Variants in PWWP2A observed in about 807,000 individuals in gnomAD.
PWWP2A encodes PWWP domain containing 2A.
A neutral mutation model predicts 48.5 loss-of-function variants in PWWP2A; 18 were observed. That is an observed-to-expected ratio of 0.37 (90% CI 0.26 to 0.55). PWWP2A has a LOEUF of 0.55. Among genes scored for constraint, PWWP2A ranks in the 20% least tolerant of loss-of-function variants. The pLI, the probability that PWWP2A is intolerant of heterozygous loss-of-function variation, is 0.81. For missense variants in PWWP2A, 867 were observed against 976.4 expected (o/e 0.89, Z 1.49); for synonymous variants, 396 against 387.7 (o/e 1.02, Z -0.25).
chr5:160,051,285 C>T, the PWWP2A span: 1 of 922,984 alleles, frequency 1.1e-6, no homozygotes, highest in Non-Finnish European at 1.6e-6. Context: ...AAGTTTCGGA[C>T]TCTACCACAA....
At chr5:160,116,015 A>C (rs774976796) in intron 1 of PWWP2A, among the ~76,000 whole-genome samples, 1 of 152,108 alleles carries the variant, frequency 6.6e-6, no homozygotes, top group Non-Finnish European at 1.5e-5. Context: ...CATTAGTCCA[A>C]TAATAATTCC....
In PWWP2A at chr5:160,092,291, T is replaced by A. The variant is rs927567013; in HGVS notation, c.*91A>T. ...AACTGAGTGCAACTTCTCTCTCCAA[T>A]CTGGCCACGCTATTTTGTAGAAATT... On this transcript the variant is annotated 3_prime_UTR_variant, in exon 2 of 2. Transcript: ENST00000307063. 9.0e-6 allele frequency: 13 copies of A among 1,441,734 alleles called. No individual in the cohort carries two copies. In the Admixed American group the frequency reaches 1.7e-4, roughly 19 times the overall value. The allele number at this position is 1,441,734 out of a possible 1,614,324, so 89.3% of individuals were successfully genotyped here.
downstream of PWWP2A, among the ~76,000 whole-genome samples, chr5:160,061,058 C>A (rs1285237589): frequency 6.6e-6 from 1 of 152,246 alleles, no homozygotes; most frequent in Non-Finnish European, 1.5e-5. Flanking sequence ...TCAGTGGCCT[C>A]CTGTGGCACG....
In PWWP2A at chr5:160,093,106, G is replaced by A. The variant is rs1456561182; in HGVS notation, c.1544C>T (p.Ser515Leu). 2 of 1,613,914 alleles carry A rather than the reference G, an allele frequency of 1.2e-6. No individual in the cohort carries two copies. The highest frequency in any genetic ancestry group is 1.7e-6 in the Non-Finnish European group (2 of 1,179,866). The change falls in exon 2 of 2, where the codon TCA becomes TTA. Residue 515 changes from serine to leucine, a missense_variant. By Grantham distance (145) the Ser-to-Leu change is moderately radical (BLOSUM62 -2). This residue lies in a region of PWWP2A where 382 missense variants were observed against 407.2 expected (regional missense o/e 0.94). Coordinates refer to ENST00000307063, the MANE Select transcript of PWWP2A (RefSeq NM_001130864.2). The surrounding 1 kb of genome is among the most constrained non-coding windows in gnomAD (Gnocchi z 5.8). ...KPQSRCTSTR[S>L]AGEAPSENQS... ...ATTTTCTGAAGGGGCCTCACCTGCT[G>A]AGCGGGTAGAGGTGCAGCGAGACTG...
intron 3 of PWWP2A, among the ~76,000 whole-genome samples, chr5:160,080,188 A>AAT (rs936063408): frequency 3.9e-5 from 6 of 152,224 alleles, no homozygotes; most frequent in African/African-American, 1.4e-4. Flanking sequence ...ATTCACTAAG[A>AAT]ATATATATAC....
chr5:160,117,991 G>T, intron 1 of PWWP2A: 1 of 488,702 alleles, frequency 2.0e-6, no homozygotes, highest in Non-Finnish European at 2.7e-6. Flanking sequence ...CCTGTTGAAA[G>T]CAGAGCCCAA....
chr5:160,089,607 A>T, downstream of PWWP2A: 2 of 1,288,876 alleles, frequency 1.6e-6, no homozygotes, highest in Non-Finnish European at 2.0e-6. Context: ...CTGGTCTATA[A>T]ATTCTAGAAA....
chr5:160,118,716 A>G lies in PWWP2A; in HGVS notation c.584+89T>C, dbSNP rs1381955827. The G allele has an allele frequency of 4.9e-6, 6 of 1,233,548 alleles. No homozygotes were observed. In the Admixed American group the frequency reaches 1.7e-4, roughly 34 times the overall value. The allele number at this position is 1,233,548 out of a possible 1,614,324, so 76.4% of individuals were successfully genotyped here. On this transcript the variant is annotated intron_variant, in intron 1 of 1. Transcript: ENST00000307063. ...AGGGCGGGGCCCCGGGCAGCGGGGA[A>G]GCGAGGGCTCGGGGAGAGGGGGCCG...
At chr5:160,086,087 G>A (rs1181464618) in intron 2 of PWWP2A, among the ~76,000 whole-genome samples, 1 of 152,168 alleles carries the variant, frequency 6.6e-6, no homozygotes, top group Non-Finnish European at 1.5e-5. Flanking sequence ...CCAAAGTGCT[G>A]GGATTACAGA....
chr5:160,110,318 T>A (rs1459481567), intron 1 of PWWP2A, among the ~76,000 whole-genome samples: 1 of 152,070 alleles, frequency 6.6e-6, no homozygotes, highest in Non-Finnish European at 1.5e-5. Context: ...ATTTTAACAG[T>A]GACTGAATAT....
intron 2 of PWWP2A, among the ~76,000 whole-genome samples, chr5:160,068,994 A>AT (rs999414785): frequency 1.1e-4 from 17 of 152,088 alleles, no homozygotes; most frequent in African/African-American, 2.9e-4. Context: ...CTTACTTGCT[A>AT]TTTTTTCTCA....
At chr5:160,105,291 G>A (rs975824928) in intron 1 of PWWP2A, among the ~76,000 whole-genome samples, 5 of 146,454 alleles carry the variant, frequency 3.4e-5, no homozygotes, top group African/African-American at 1.3e-4. Context: ...GCTCACAGCT[G>A]TAATCCCAGC....
At chr5:160,090,724 TG>T, downstream of PWWP2A, 1 of 956,310 alleles carries the variant, frequency 1.0e-6, no homozygotes, top group African/African-American at 1.8e-5. Flanking sequence ...TACTTCAAAT[TG>T]GATTTAGAAA....
chr5:160,103,844 G>A lies in PWWP2A; in HGVS notation c.585-9779C>T, dbSNP rs546823781. 3.9e-5 allele frequency among the ~76,000 whole-genome samples: 6 copies of A among 152,254 alleles called. No homozygotes were observed. In the South Asian group the frequency reaches 1.2e-3, roughly 32 times the overall value. Reference sequence around the variant, plus strand: ...CAGTCTCTTAATAAGAAGGCTGGCTGGGAGCAGTAGCTCATGCCTGTAATC... The same window carrying A: ...CAGTCTCTTAATAAGAAGGCTGGCTAGGAGCAGTAGCTCATGCCTGTAATC... On this transcript the variant is annotated intron_variant, in intron 1 of 1. Coordinates refer to ENST00000307063, the MANE Select transcript of PWWP2A (RefSeq NM_001130864.2).
At chr5:160,064,908 TG>T in intron 4 of PWWP2A, 1 of 1,603,362 alleles carries the variant, frequency 6.2e-7, no homozygotes, top group South Asian at 1.1e-5. Flanking sequence ...TGTATTCATT[TG>T]AGTTTTTGCT....
intron 1 of PWWP2A, among the ~76,000 whole-genome samples, chr5:160,111,913 G>C (rs1028164284): frequency 3.3e-5 from 5 of 151,970 alleles, no homozygotes; most frequent in African/African-American, 1.2e-4. Context: ...CCAACACTTT[G>C]AGAGGCCCAG....
intron 1 of PWWP2A, 36 bp downstream of exon 1, chr5:160,118,769 C>T (rs1177290706): frequency 7.2e-7 from 1 of 1,385,698 alleles, no homozygotes; most frequent in East Asian, 3.1e-5. Flanking sequence ...CCTGGGGACC[C>T]AGCGGACCGG....
chr5:160,078,856 C>G lies in PWWP2A; in HGVS notation c.1670-688G>C, dbSNP rs781245181. ...TGATTCTCAGCAGAGGCCTCTTCAC[C>G]ATACCTCCAACAAGAAGCAGGACTC... On this transcript the variant is annotated intron_variant, in intron 3 of 3. Transcript: ENST00000456329. This position sits in a 1 kb window ranked among gnomAD's most constrained non-coding sequence, Gnocchi z 4.2. Among the ~76,000 whole-genome samples the G allele has an allele frequency of 5.3e-5, 8 of 152,166 alleles. No individual in the cohort carries two copies. The highest frequency in any genetic ancestry group is 1.0e-4 in the Non-Finnish European group (7 of 68,034).
At chr5:160,074,995 T>A (rs1283161580), downstream of PWWP2A, among the ~76,000 whole-genome samples, 1 of 152,186 alleles carries the variant, frequency 6.6e-6, no homozygotes, top group Non-Finnish European at 1.5e-5. Flanking sequence ...TTACGCTTTC[T>A]TATGTGAAGG....
Sources: gnomAD v4.1 joint callset for allele counts (sites outside exome capture counted in the v4.1 genomes callset) on GRCh38, gnomAD v4.1.1 for gene constraint, gnomAD v4.1.1 regional missense constraint, Gnocchi (gnomAD v3.1) non-coding constraint, MANE v1.5 for transcripts, NCBI Gene and HGNC (gene_info 2026-07-23, HGNC 2026-07-21) for gene names.